The following DEAF1 variants were observed in gnomAD, a reference collection of about 807,000 sequenced individuals.
DEAF1 encodes deformed epidermal autoregulatory factor 1 homolog.
In DEAF1, 53 loss-of-function variants were observed where a neutral mutation model predicts 58.9. The observed-to-expected ratio is 0.90, with a 90% CI of 0.72 to 1.13. The LOEUF (loss-of-function observed/expected upper bound fraction) is 1.13, where lower values mean the gene tolerates loss of function less well. DEAF1 is among the 50% of genes most tolerant of loss of function. The pLI is 0.00. For missense variants in DEAF1, 685 were observed against 791.4 expected, an observed-to-expected ratio of 0.87 and a Z score of 1.61; for synonymous variants, 385 against 340.4, an observed-to-expected ratio of 1.13 and a Z score of -1.44.
intron 11 of DEAF1, among the ~76,000 whole-genome samples, chr11:647,866 T>C (rs1252006973): frequency 7.0e-6 from 1 of 142,908 alleles, no homozygotes; most frequent in Non-Finnish European, 1.5e-5. Context: ...TGGGTGGACT[T>C]GACCCAGGCG....
intron 6 of DEAF1, 77 bp downstream of exon 6, chr11:684,821 G>C: frequency 7.8e-7 from 1 of 1,279,146 alleles, no homozygotes; most frequent in Non-Finnish European, 1.1e-6. Flanking sequence ...ACAGCCGAGA[G>C]GCCAAGGGCT....
At chr11:702,762 A>G (rs193091463) in intron 1 of DEAF1, among the ~76,000 whole-genome samples, 78 of 152,308 alleles carry the variant, frequency 5.1e-4, no homozygotes, top group African/African-American at 1.7e-3. Context: ...TGTGTTGCCC[A>G]TGCTCTCTGG....
intron 9 of DEAF1, 159 bp downstream of exon 9, chr11:678,535 A>C: frequency 9.4e-7 from 1 of 1,058,552 alleles, no homozygotes; most frequent in African/African-American, 1.6e-5. Context: ...TTTATTTACA[A>C]ACATAGGCAG....
At chr11:689,207 T>C (rs918369350) in intron 2 of DEAF1, among the ~76,000 whole-genome samples, 7 of 142,352 alleles carry the variant, frequency 4.9e-5, no homozygotes, top group Non-Finnish European at 9.2e-5. Context: ...TTTTTCTTTT[T>C]TTTTTTTTTT....
chr11:687,131 A>G (rs1860628551), intron 4 of DEAF1, 134 bp from the exon 5 acceptor site: 1 of 1,347,566 alleles, frequency 7.4e-7, no homozygotes, highest in African/African-American at 1.4e-5. Context: ...ACCCACCCAC[A>G]TACTTGGCCC....
chr11:702,316 G>T (rs116325399), intron 1 of DEAF1, among the ~76,000 whole-genome samples: 14 of 152,366 alleles, frequency 9.2e-5, no homozygotes, highest in African/African-American at 3.4e-4. Flanking sequence ...GAGCACCGCT[G>T]CGGCACAGAG....
At chr11:695,507 C>CAG (rs968270177), upstream of DEAF1, 2 of 955,708 alleles carry the variant, frequency 2.1e-6, no homozygotes, top group African/African-American at 1.7e-5. Context: ...TTCTGCCTCT[C>CAG]AGAGAGAGCT....
intron 10 of DEAF1, among the ~76,000 whole-genome samples, chr11:655,993 G>A (rs1332992349): frequency 3.3e-5 from 5 of 149,902 alleles, no homozygotes; most frequent in Non-Finnish European, 4.4e-5. Flanking sequence ...CACCACGCCT[G>A]GCTAATTTTT....
At chr11:682,932 C>T (rs147347764) in intron 6 of DEAF1, among the ~76,000 whole-genome samples, 30 of 152,166 alleles carry the variant, frequency 2.0e-4, no homozygotes, top group African/African-American at 6.5e-4. Flanking sequence ...GAGTGGGAAC[C>T]GTTTTCTTGG....
At chr11:695,652 G>T, upstream of DEAF1, 1 of 1,244,672 alleles carries the variant, frequency 8.0e-7, no homozygotes, top group South Asian at 4.0e-5. Flanking sequence ...TTCCGAAAGT[G>T]CCCGAGCGGT....
intron 11 of DEAF1, among the ~76,000 whole-genome samples, chr11:647,814 G>C (rs1217857984): frequency 1.3e-5 from 2 of 151,414 alleles, no homozygotes; most frequent in Non-Finnish European, 3.0e-5. Context: ...GCAGTGCTGG[G>C]AGCAGGTGGG....
chr11:647,165 C>A (rs1858536374), intron 11 of DEAF1, among the ~76,000 whole-genome samples: 1 of 150,646 alleles, frequency 6.6e-6, no homozygotes, highest in Admixed American at 6.6e-5. Flanking sequence ...CTATAGAAAA[C>A]CTAAAATAGG....
intron 10 of DEAF1, among the ~76,000 whole-genome samples, chr11:671,021 C>T (rs1347597885): frequency 4.7e-5 from 7 of 148,336 alleles, no homozygotes; most frequent in African/African-American, 1.2e-4. Flanking sequence ...CTCCACCTCC[C>T]GGGTTCACGC....
chr11:687,890 G>C, intron 4 of DEAF1, 21 bp downstream of exon 4: 1 of 1,614,002 alleles, frequency 6.2e-7, no homozygotes, highest in Non-Finnish European at 8.5e-7. Context: ...CAACTTTGGA[G>C]TCTGAAGTGG....
intron 4 of DEAF1, 92 bp from the exon 5 acceptor site, chr11:687,089 A>G: frequency 6.3e-6 from 10 of 1,576,868 alleles, no homozygotes; most frequent in Non-Finnish European, 8.6e-6. Context: ...CCCCTCCACC[A>G]GCACCAGCGC....
At chr11:677,343 A>G (rs1860128812) in intron 9 of DEAF1, among the ~76,000 whole-genome samples, 1 of 107,752 alleles carries the variant, frequency 9.3e-6, no homozygotes, top group Admixed American at 1.0e-4. Flanking sequence ...TACTAAAAAT[A>G]CAAAAATTAG....
chr11:651,346 G>A (rs1442873488), intron 11 of DEAF1: 6 of 321,980 alleles, frequency 1.9e-5, no homozygotes, highest in Non-Finnish European at 3.6e-5. Context: ...AGGCTGACAT[G>A]GGAGGATCGC....
chr11:679,903 G>C (rs1860269728), intron 7 of DEAF1, 87 bp from the exon 8 acceptor site: 1 of 1,579,392 alleles, frequency 6.3e-7, no homozygotes, highest in Non-Finnish European at 8.6e-7. Flanking sequence ...GCCAATCCTT[G>C]TGGGGGCCTG....
Position 687,896 on chromosome 11 carries a change from AG to A in DEAF1, c.664+14del. 1 of 1,613,996 alleles carries A rather than the reference AG, an allele frequency of 6.2e-7. No homozygotes were observed. Among genetic ancestry groups the A allele is most frequent in the East Asian group, 2.2e-5 (1 of 44,882 alleles). The stretch of plus-strand genomic sequence containing the variant: ...AGGGGAATACAACTTTGGAGTCTGA[AG>A]TGGCAGTCCTCACCTGAGCCGAGCC... On this transcript the variant is annotated intron_variant, in intron 4 of 11. Coordinates refer to ENST00000382409, the MANE Select transcript of DEAF1 (RefSeq NM_021008.4).
Sources: allele counts gnomAD v4.1 joint callset (sites outside exome capture counted in the v4.1 genomes callset), GRCh38; gene constraint gnomAD v4.1.1; transcripts MANE v1.5; gene names NCBI Gene and HGNC (gene_info 2026-07-23, HGNC 2026-07-21).